MC2R: variants seen among roughly 807,000 people sequenced by gnomAD.
MC2R encodes the protein melanocortin 2 receptor.
MC2R carries 9 observed loss-of-function variants against 9.8 expected under a neutral mutation model. The observed-to-expected ratio is 0.92, with a 90% CI of 0.55 to 1.60. The LOEUF (loss-of-function observed/expected upper bound fraction) is 1.60, where lower values mean the gene tolerates loss of function less well. Among genes scored for constraint, MC2R ranks in the 40% most tolerant of loss-of-function variants. MC2R has a pLI of 0.00. For missense variants in MC2R, 370 were observed against 389.0 expected (o/e 0.95, Z 0.41); for synonymous variants, 185 against 154.7 (o/e 1.20, Z -1.45).
chr18:13,890,082 C>T (rs574471276), intron 1 of MC2R, among the ~76,000 whole-genome samples: 31 of 152,294 alleles, frequency 2.0e-4, no homozygotes, highest in African/African-American at 7.2e-4. Context: ...CAATCTTAAA[C>T]CTCTGTATCT....
chr18:13,905,786 G>T (rs371016884), intron 1 of MC2R, among the ~76,000 whole-genome samples: 1 of 152,156 alleles, frequency 6.6e-6, no homozygotes, highest in Non-Finnish European at 1.5e-5. Context: ...GGCCAGGTGC[G>T]ATGGTTCACG....
intron 1 of MC2R, among the ~76,000 whole-genome samples, chr18:13,896,126 G>A (rs1223043168): frequency 6.6e-6 from 1 of 152,122 alleles, no homozygotes; most frequent in Non-Finnish European, 1.5e-5. Context: ...GAGGCACACA[G>A]GATAAAAAGC....
At position 13,885,266 on chromosome 18, in the gene MC2R, T is replaced by G. The variant is rs1458136073; in HGVS notation, c.253A>C (p.Ile85Leu). 2 of 1,614,040 alleles carry G rather than the reference T, an allele frequency of 1.2e-6. No individual in the cohort carries two copies. Among genetic ancestry groups the G allele is most frequent in the Non-Finnish European group, 1.7e-6 (2 of 1,180,052 alleles). ...TTGAGATAGCCCATGTTTCTCAATA[T>G]GATCAGGATATTTTCCAAGATCTTA... ...LYKILENILI[I>L]LRNMGYLKPR... Residue 85 changes from isoleucine (I) to leucine (L), a missense_variant, in exon 2 of 2, where the codon ATA becomes CTA. Coordinates refer to ENST00000327606, the MANE Select transcript of MC2R (RefSeq NM_000529.2).
intron 1 of MC2R, among the ~76,000 whole-genome samples, chr18:13,899,754 G>A (rs1020891437): frequency 2.0e-4 from 30 of 152,144 alleles, no homozygotes; most frequent in Non-Finnish European, 4.0e-4. Context: ...AGTATATCCA[G>A]TGAATATACC....
intron 1 of MC2R, among the ~76,000 whole-genome samples, chr18:13,914,328 GTGT>G (rs1451680533): frequency 6.6e-6 from 1 of 152,214 alleles, no homozygotes; most frequent in Non-Finnish European, 1.5e-5. Context: ...CTAGTGTGAA[GTGT>G]TGTCTCAGTG....
At chr18:13,898,850 A>C (rs2045362592) in intron 1 of MC2R, among the ~76,000 whole-genome samples, 1 of 152,202 alleles carries the variant, frequency 6.6e-6, no homozygotes, top group Admixed American at 6.5e-5. Context: ...TAAGGCTTAG[A>C]TCACAACTCC....
At chr18:13,905,193 A>C (rs2045405721) in intron 1 of MC2R, among the ~76,000 whole-genome samples, 1 of 152,236 alleles carries the variant, frequency 6.6e-6, no homozygotes, top group South Asian at 2.1e-4. Flanking sequence ...ATTTACAAGA[A>C]AAAAACAACC....
Position 13,882,876 on chromosome 18 carries a change from A to G in MC2R, c.*1749T>C, listed in dbSNP as rs1465661484. 6.6e-6 allele frequency: 1 copy of G among 152,240 alleles called. No individual in the cohort carries two copies. The highest frequency in any genetic ancestry group is 1.5e-5 in the Non-Finnish European group (1 of 68,044). 9.4% of individuals were successfully genotyped at this position (152,240 alleles called of 1,614,324 possible). A position where few individuals can be genotyped will look rare whatever the true frequency, so the allele number is the denominator to read the frequency against. On this transcript the variant is annotated 3_prime_UTR_variant, in exon 2 of 2. Transcript: ENST00000327606. ...ATATTAATTAATACAGGTTAGTATT[A>G]GAGTAACATAGTTCATTTGGCAGGG... is the stretch of plus-strand genomic sequence containing the variant.
At chr18:13,887,686 C>T (rs2045285443) in intron 1 of MC2R, among the ~76,000 whole-genome samples, 2 of 152,158 alleles carry the variant, frequency 1.3e-5, no homozygotes, top group South Asian at 4.1e-4. Context: ...GATAACAGAC[C>T]AGCTCCTCGA....
At chr18:13,909,555 C>G (rs1567903537) in intron 1 of MC2R, among the ~76,000 whole-genome samples, 1 of 152,140 alleles carries the variant, frequency 6.6e-6, no homozygotes. Flanking sequence ...CTATCCTTCC[C>G]TATTTATTTA....
Position 13,885,439 on chromosome 18 carries a change from G to A in MC2R, c.80C>T (p.Pro27Leu), listed in dbSNP as rs28926178. The A allele has an allele frequency of 1.9e-5, 30 of 1,613,814 alleles. No individual in the cohort carries two copies. The highest frequency in any genetic ancestry group is 2.3e-5 in the Non-Finnish European group (27 of 1,179,928). The change falls in exon 2 of 2, where the codon CCG becomes CTG. Residue 27 changes from proline to leucine, a missense_variant. Transcript: ENST00000327606. The stretch of plus-strand genomic sequence containing the variant: ...GGAAATTGTGAAAAATATCTCCTCC[G>A]GCAAAACCACACGAGGACAGTCGGA... ...NNSDCPRVVL[P>L]EEIFFTISIV...
chr18:13,903,237 G>A (rs528770265), intron 1 of MC2R, among the ~76,000 whole-genome samples: 1 of 152,312 alleles, frequency 6.6e-6, no homozygotes, highest in African/African-American at 2.4e-5. Context: ...CTCATACACT[G>A]TTGGTGAGAA....
chr18:13,898,766 G>A (rs1268090336), intron 1 of MC2R, among the ~76,000 whole-genome samples: 2 of 152,204 alleles, frequency 1.3e-5, no homozygotes, highest in East Asian at 3.8e-4. Context: ...CTTGTCCAAG[G>A]CCATCAAGGT....
chr18:13,902,494 A>G (rs986090315), intron 1 of MC2R, among the ~76,000 whole-genome samples: 11 of 152,138 alleles, frequency 7.2e-5, no homozygotes, highest in Non-Finnish European at 1.0e-4. Context: ...AAAAACAGAC[A>G]CATAGACCAA....
At position 13,885,399 on chromosome 18, in the gene MC2R, C is replaced by T; in HGVS notation, c.120G>A (p.Leu40=). The change falls in exon 2 of 2, where the codon TTG becomes TTA. Residue 40 remains leucine, a synonymous_variant. Transcript: ENST00000327606. ...IFFTISIVGV[L]ENLIVLLAVF... is the part of the protein sequence containing the mutation. ...CAGCCAGCAGGACGATCAGATTCTCCAAAACTCCAACAATGGAAATTGTGA... is the reference window on the plus strand; with the variant it reads ...CAGCCAGCAGGACGATCAGATTCTCTAAAACTCCAACAATGGAAATTGTGA... 6.2e-7 allele frequency: 1 copy of T among 1,614,046 alleles called. No individual in the cohort carries two copies. The highest frequency in any genetic ancestry group is 8.5e-7 in the Non-Finnish European group (1 of 1,179,912).
chr18:13,906,898 T>C (rs999907209), intron 1 of MC2R, among the ~76,000 whole-genome samples: 3 of 152,200 alleles, frequency 2.0e-5, no homozygotes, highest in African/African-American at 7.2e-5. Context: ...CAGAACAATA[T>C]TCTATGCTCA....
intron 1 of MC2R, among the ~76,000 whole-genome samples, chr18:13,911,308 T>G (rs1246825303): frequency 6.6e-6 from 1 of 152,214 alleles, no homozygotes; most frequent in Non-Finnish European, 1.5e-5. Flanking sequence ...ATCAAGTCCT[T>G]GTTTTACCTT....
chr18:13,887,329 C>G lies in MC2R; in HGVS notation c.-128-1683G>C, dbSNP rs762095460. Among the ~76,000 whole-genome samples, 161 of 78,658 alleles carry G rather than the reference C, an allele frequency of 2.0e-3. 6 individuals carry two copies. Among genetic ancestry groups the G allele is most frequent in the Middle Eastern group, 0.018 (2 of 112 alleles). The allele number at this position is 78,658 out of a possible 152,430, so 51.6% of individuals were successfully genotyped here. A position where few individuals can be genotyped will look rare whatever the true frequency, so the allele number is the denominator to read the frequency against. On this transcript the variant is annotated intron_variant, in intron 1 of 1. Transcript: ENST00000327606. ...CCTGCTGGGAAAGCCTCAGGGATGG[C>G]AGGGGAAGCCTGTGTGCTGTGTCCC...
chr18:13,895,862 C>T (rs536875235), intron 1 of MC2R, among the ~76,000 whole-genome samples: 7 of 152,184 alleles, frequency 4.6e-5, no homozygotes, highest in African/African-American at 1.7e-4. Flanking sequence ...CATGAGGCAG[C>T]GAGAAGCAAG....
Sources: gnomAD v4.1 joint callset for allele counts (sites outside exome capture counted in the v4.1 genomes callset) on GRCh38, gnomAD v4.1.1 for gene constraint, MANE v1.5 for transcripts, NCBI Gene and HGNC (gene_info 2026-07-23, HGNC 2026-07-21) for gene names.